Variants in MTSS2 observed in about 807,000 individuals in gnomAD.
MTSS2 encodes protein MTSS 2.
A neutral mutation model predicts 67.1 loss-of-function variants in MTSS2; 27 were observed. The ratio of observed to expected loss-of-function variants is 0.40; its 90% CI spans 0.30 to 0.55. MTSS2 has a LOEUF of 0.55. Ranked by LOEUF, MTSS2 falls within the 20% of genes least tolerant of loss-of-function variation. The pLI, the probability that MTSS2 is intolerant of heterozygous loss-of-function variation, is 0.43. For synonymous variants in MTSS2, 624 were observed against 468.6 expected, an observed-to-expected ratio of 1.33 and a Z score of -4.28; for missense variants, 1,171 against 1,067.8, an observed-to-expected ratio of 1.10 and a Z score of -1.35.
In MTSS2 at chr16:70,665,463, G is replaced by A. The variant is rs779679458; in HGVS notation, c.1128+3C>T. On this transcript the variant is annotated splice_donor_region_variant and intron_variant, in intron 12 of 14. Coordinates refer to ENST00000338779, the MANE Select transcript of MTSS2 (RefSeq NM_138383.3). The stretch of plus-strand genomic sequence containing the variant: ...GTCCTGGGGCCGGGCTGGGAGCACT[G>A]ACCGAGGTGGGGGAGCTGCACTCGC... 1.9e-5 allele frequency: 30 copies of A among 1,553,664 alleles called. No homozygotes were observed. The highest frequency in any genetic ancestry group is 2.5e-5 in the Non-Finnish European group (29 of 1,149,962).
Position 70,663,474 on chromosome 16 carries a change from G to A in MTSS2, c.*203C>T, listed in dbSNP as rs1294909009. ...CCCCGAACCAGGCCCAGGCCTGCAG[G>A]CTCCGTCCTGGCCAGGCTTGCTAAG... On this transcript the variant is annotated 3_prime_UTR_variant, in exon 15 of 15. Transcript: ENST00000338779. 2.0e-6 allele frequency: 2 copies of A among 994,830 alleles called. No individual in the cohort carries two copies. Among genetic ancestry groups the A allele is most frequent in the South Asian group, 1.8e-5 (1 of 55,828 alleles). The allele number at this position is 994,830 out of a possible 1,614,324, so 61.6% of individuals were successfully genotyped here.
At chr16:70,679,606 C>A (rs749299270) in intron 6 of MTSS2, 24 bp downstream of exon 6, 1 of 1,579,444 alleles carries the variant, frequency 6.3e-7, no homozygotes, top group East Asian at 2.3e-5. Flanking sequence ...GGGGCTGTGG[C>A]TGGGGGGCCG....
intron 3 of MTSS2, among the ~76,000 whole-genome samples, 181 bp from the exon 4 acceptor site, chr16:70,680,236 C>A (rs1366334032): frequency 6.6e-6 from 1 of 152,008 alleles, no homozygotes; most frequent in African/African-American, 2.4e-5. Context: ...ACCAGCTCTT[C>A]CTCCGCCATC....
At position 70,680,126 on chromosome 16, in the gene MTSS2, G is replaced by C. The variant is rs2053255529; in HGVS notation, c.206-71C>G. The C allele has an allele frequency of 5.3e-6, 6 of 1,122,798 alleles. 1 individual carries two copies. In the South Asian group the frequency reaches 1.4e-4, roughly 27 times the overall value. The allele number at this position is 1,122,798 out of a possible 1,614,324, so 69.6% of individuals were successfully genotyped here. A position where few individuals can be genotyped will look rare whatever the true frequency, so the allele number is the denominator to read the frequency against. ...GCAGTCCCGGCCTCGGGCCAGGAGGGGGCGCCCCGGCCGCGCAGGCGGAGC... is the reference window on the plus strand; with the variant it reads ...GCAGTCCCGGCCTCGGGCCAGGAGGCGGCGCCCCGGCCGCGCAGGCGGAGC... On this transcript the variant is annotated intron_variant, in intron 3 of 14. Transcript: ENST00000338779.
intron 12 of MTSS2, 170 bp downstream of exon 12, chr16:70,665,296 G>T: frequency 2.2e-6 from 2 of 913,842 alleles, no homozygotes; most frequent in Non-Finnish European, 3.2e-6. Context: ...TGGCTGTGTG[G>T]GCAGTGACTG....
Position 70,662,739 on chromosome 16 carries a change from C to G in MTSS2, c.*938G>C, listed in dbSNP as rs80045606. ...CTCCCCCACACTTAGTCCTCGTCCACAGTCAGCTCCATTTTATTATATTCA... is the reference window on the plus strand; with the variant it reads ...CTCCCCCACACTTAGTCCTCGTCCAGAGTCAGCTCCATTTTATTATATTCA... On this transcript the variant is annotated 3_prime_UTR_variant, in exon 15 of 15. Transcript: ENST00000338779. 3.3e-5 allele frequency: 5 copies of G among 152,662 alleles called. No homozygotes were observed. The highest frequency in any genetic ancestry group is 5.9e-5 in the Non-Finnish European group (4 of 68,086). 9.5% of individuals were successfully genotyped at this position (152,662 alleles called of 1,614,324 possible). A position where few individuals can be genotyped will look rare whatever the true frequency, so the allele number is the denominator to read the frequency against.
Position 70,677,775 on chromosome 16 carries a change from C to A in MTSS2, c.732+17G>T. The A allele has an allele frequency of 6.3e-7, 1 of 1,594,792 alleles. No homozygotes were observed. The highest frequency in any genetic ancestry group is 8.5e-7 in the Non-Finnish European group (1 of 1,170,660). On this transcript the variant is annotated intron_variant, in intron 9 of 14. Coordinates refer to ENST00000338779, the MANE Select transcript of MTSS2 (RefSeq NM_138383.3). Reference sequence around the variant, plus strand: ...CCCTGCCCCTGGCCCTGGCCCTTGGCCAGAGGGCTCCCGCACCTGCTCGCT... The same window carrying A: ...CCCTGCCCCTGGCCCTGGCCCTTGGACAGAGGGCTCCCGCACCTGCTCGCT...
In MTSS2 at chr16:70,669,152, A is replaced by G. The variant is rs138668655; in HGVS notation, c.1054-3612T>C. Among the ~76,000 whole-genome samples the G allele has an allele frequency of 3.0e-3, 451 of 152,316 alleles. 9 individuals are homozygous for G. Among genetic ancestry groups the G allele is most frequent in the Admixed American group, 0.027 (411 of 15,292 alleles). Reference sequence around the variant, plus strand: ...AGGACACAAATAGCACTAACAATTTAAAAATGGATAAACTGGACTATTTTA... The same window carrying G: ...AGGACACAAATAGCACTAACAATTTGAAAATGGATAAACTGGACTATTTTA... On this transcript the variant is annotated intron_variant, in intron 11 of 14. Transcript: ENST00000338779.
Position 70,661,506 on chromosome 16 carries a change from A to G in MTSS2, c.*2171T>C. 1 of 350,176 alleles carries G rather than the reference A, an allele frequency of 2.9e-6. No homozygotes were observed. Among genetic ancestry groups the G allele is most frequent in the South Asian group, 2.1e-5 (1 of 47,064 alleles). 21.7% of individuals were successfully genotyped at this position (350,176 alleles called of 1,614,324 possible). On this transcript the variant is annotated 3_prime_UTR_variant, in exon 15 of 15. Coordinates refer to ENST00000338779, the MANE Select transcript of MTSS2 (RefSeq NM_138383.3). Reference sequence around the variant, plus strand: ...TCAGTCAAAAGACGCTTTTGAAAAGAATATTTCTCCGTACAAAATGAGAAA... The same window carrying G: ...TCAGTCAAAAGACGCTTTTGAAAAGGATATTTCTCCGTACAAAATGAGAAA...
chr16:70,664,245 G>A lies in MTSS2; in HGVS notation c.1676C>T (p.Pro559Leu). 2 of 1,565,904 alleles carry A rather than the reference G, an allele frequency of 1.3e-6. No individual in the cohort carries two copies. Among genetic ancestry groups the A allele is most frequent in the East Asian group, 2.3e-5 (1 of 44,438 alleles). Residue 559 changes from proline to leucine, a missense_variant, in exon 15 of 15, where the codon CCC becomes CTC. Pro to Leu is a moderately conservative substitution (Grantham distance 98, BLOSUM62 -3). Coordinates refer to ENST00000338779, the MANE Select transcript of MTSS2 (RefSeq NM_138383.3). The stretch of plus-strand genomic sequence containing the variant: ...TGTGCGGCGGATGGTGGCCACGCCG[G>A]GGGGTGCGCCCGAGGGCAGGCCAGT... ...TATGLPSGAP[P>L]GVATIRRTPS... is the part of the protein sequence containing the mutation.
rs546133513 is a variant in MTSS2 at position 70,685,163 on chromosome 16, G to A, written c.69+560C>T. 4.6e-4 allele frequency among the ~76,000 whole-genome samples: 68 copies of A among 149,328 alleles called. No individual in the cohort carries two copies. The South Asian group carries it at 0.015, about 32-fold the overall frequency. The stretch of plus-strand genomic sequence containing the variant: ...TATCCTTGGGATGCAGGGACATTCA[G>A]CCTGGAGACCTTGGAGTCCTGGAGC... On this transcript the variant is annotated intron_variant, in intron 1 of 14. Coordinates refer to ENST00000338779, the MANE Select transcript of MTSS2 (RefSeq NM_138383.3).
chr16:70,670,925 G>A lies in MTSS2; in HGVS notation c.1053+3381C>T, dbSNP rs546334098. Among the ~76,000 whole-genome samples, 4 of 141,602 alleles carry A rather than the reference G, an allele frequency of 2.8e-5. No individual in the cohort carries two copies. The East Asian group carries it at 8.9e-4, about 32-fold the overall frequency. The allele number at this position is 141,602 out of a possible 152,430, so 92.9% of individuals were successfully genotyped here. A position where few individuals can be genotyped will look rare whatever the true frequency, so the allele number is the denominator to read the frequency against. ...TTTGAGACTGCACTGAGCAAGGATT[G>A]TGCCACTGCACTCCAGCCTGGGTGA... On this transcript the variant is annotated intron_variant, in intron 11 of 14. Transcript: ENST00000338779.
rs139508787 is a variant in MTSS2 at position 70,664,722 on chromosome 16, C to T, written c.1347G>A (p.Met449Ile). The T allele has an allele frequency of 9.9e-6, 16 of 1,612,968 alleles. No homozygotes were observed. The highest frequency in any genetic ancestry group is 1.3e-5 in the African/African-American group (1 of 74,934). The change falls in exon 14 of 15, where the codon ATG becomes ATA. Residue 449 changes from methionine (M) to isoleucine (I), a missense_variant. Met to Ile is a conservative substitution (Grantham distance 10). Transcript: ENST00000338779. ...EVSPAASDLA[M>I]VLTRGLSLEH... ...CCAGGCTCAGGCCCCGCGTCAGCAC[C>T]ATGGCCAGGTCACTGGCGGCGGGGG...
chr16:70,663,739 G>C lies in MTSS2; in HGVS notation c.2182C>G (p.Arg728Gly). Residue 728 changes from arginine to glycine, a missense_variant, in exon 15 of 15, where the codon CGG (arginine) becomes GGG (glycine). Arg to Gly is a moderately radical substitution (Grantham distance 125). Coordinates refer to ENST00000338779, the MANE Select transcript of MTSS2 (RefSeq NM_138383.3). ...PPAEDMLVAI[R>G]RGVRLRRTVT... ...GTCCTGCGGAGCCGGACCCCACGCCGGATGGCCACCAGCATGTCTTCGGCC... is the reference window on the plus strand; with the variant it reads ...GTCCTGCGGAGCCGGACCCCACGCCCGATGGCCACCAGCATGTCTTCGGCC... The C allele has an allele frequency of 2.5e-6, 4 of 1,575,560 alleles. No individual in the cohort carries two copies. The highest frequency in any genetic ancestry group is 3.4e-6 in the Non-Finnish European group (4 of 1,163,438).
intron 1 of MTSS2, among the ~76,000 whole-genome samples, chr16:70,682,399 C>A (rs370683058): frequency 9.2e-5 from 14 of 152,074 alleles, no homozygotes; most frequent in African/African-American, 2.9e-4. Context: ...GGACCCCCAC[C>A]CCCACTCAGC....
chr16:70,678,545 G>A, intron 7 of MTSS2, 136 bp from the exon 8 acceptor site: 1 of 976,434 alleles, frequency 1.0e-6, no homozygotes, highest in Non-Finnish European at 1.5e-6. Flanking sequence ...GGACTGCGGA[G>A]GGCAGTGAGG....
In MTSS2 at chr16:70,661,426, TGG is replaced by T. The variant is rs1380205352; in HGVS notation, c.*2249_*2250del. The T allele has an allele frequency of 6.1e-6, 2 of 325,996 alleles. No homozygotes were observed. Among genetic ancestry groups the T allele is most frequent in the Admixed American group, 3.9e-5 (1 of 25,608 alleles). The allele number at this position is 325,996 out of a possible 1,614,324, so 20.2% of individuals were successfully genotyped here. A position where few individuals can be genotyped will look rare whatever the true frequency, so the allele number is the denominator to read the frequency against. On this transcript the variant is annotated 3_prime_UTR_variant, in exon 15 of 15. Transcript: ENST00000338779. ...TAGGAACCAGGAGGGCTGCCTGGGG[TGG>T]GGGAATAAATTAAAAAAAGGAACGA...
chr16:70,682,898 C>T (rs138663165), intron 1 of MTSS2, among the ~76,000 whole-genome samples: 18 of 151,586 alleles, frequency 1.2e-4, no homozygotes, highest in African/African-American at 3.7e-4. Context: ...CATTTGCCCA[C>T]GGCCACAGGG....
At chr16:70,669,687 C>A (rs555392169) in intron 11 of MTSS2, among the ~76,000 whole-genome samples, 1 of 151,484 alleles carries the variant, frequency 6.6e-6, no homozygotes, top group South Asian at 2.1e-4. Context: ...TGTGGTGGCA[C>A]ACGCCTGTAA....
Sources: gnomAD v4.1 joint callset for allele counts (sites outside exome capture counted in the v4.1 genomes callset) on GRCh38, gnomAD v4.1.1 for gene constraint, MANE v1.5 for transcripts, NCBI Gene and HGNC (gene_info 2026-07-23, HGNC 2026-07-21) for gene names.